SH3RF1: variants seen among roughly 807,000 people sequenced by gnomAD.
SH3RF1 encodes E3 ubiquitin-protein ligase SH3RF1.
Under a neutral mutation model 74.0 loss-of-function variants are expected in SH3RF1, and 32 were observed. The observed-to-expected ratio is 0.43, with a 90% CI of 0.33 to 0.58. SH3RF1 has a LOEUF of 0.58. Among genes scored for constraint, SH3RF1 ranks in the 20% least tolerant of loss-of-function variants. The pLI, the probability that SH3RF1 is intolerant of heterozygous loss-of-function variation, is 0.05. For synonymous variants in SH3RF1, 396 were observed against 439.6 expected (o/e 0.90, Z 1.24); for missense variants, 954 against 1,130.9 (o/e 0.84, Z 2.24).
chr4:169,130,376 C>T (rs1262841533), intron 5 of SH3RF1, among the ~76,000 whole-genome samples: 1 of 152,032 alleles, frequency 6.6e-6, no homozygotes, highest in Non-Finnish European at 1.5e-5. Context: ...GTGATAAATA[C>T]TGGTCACAAC....
At chr4:169,097,629 A>G (rs1488451969) in intron 11 of SH3RF1, among the ~76,000 whole-genome samples, 2 of 152,062 alleles carry the variant, frequency 1.3e-5, no homozygotes, top group African/African-American at 2.4e-5. Flanking sequence ...CATTATTTGC[A>G]TTACTCCTCT....
At chr4:169,157,875 G>C (rs1040376141) in intron 2 of SH3RF1, among the ~76,000 whole-genome samples, 1 of 151,854 alleles carries the variant, frequency 6.6e-6, no homozygotes, top group Non-Finnish European at 1.5e-5. Flanking sequence ...CAAGTAGCTG[G>C]GATTGCAGGC....
At chr4:169,215,636 T>G (rs1730450107) in intron 2 of SH3RF1, among the ~76,000 whole-genome samples, 1 of 152,198 alleles carries the variant, frequency 6.6e-6, no homozygotes, top group Admixed American at 6.5e-5. Flanking sequence ...CCTATACAGA[T>G]TGTCTCTTCA....
At chr4:169,182,121 A>G (rs1734522021) in intron 2 of SH3RF1, among the ~76,000 whole-genome samples, 1 of 152,236 alleles carries the variant, frequency 6.6e-6, no homozygotes, top group South Asian at 2.1e-4. Flanking sequence ...AATATTTGAA[A>G]TGGGGACTAT....
At chr4:169,268,069 T>TTA in intron 2 of SH3RF1, among the ~76,000 whole-genome samples, 1 of 151,842 alleles carries the variant, frequency 6.6e-6, no homozygotes, top group East Asian at 1.9e-4. Context: ...TACAGATTAT[T>TTA]TATATATATT....
chr4:169,195,828 T>G (rs1734799207), intron 2 of SH3RF1, among the ~76,000 whole-genome samples: 1 of 152,172 alleles, frequency 6.6e-6, no homozygotes, highest in African/African-American at 2.4e-5. Context: ...TTGAAAACAG[T>G]AAGCACAATT....
At chr4:169,159,554 G>C (rs922222223) in intron 2 of SH3RF1, among the ~76,000 whole-genome samples, 2 of 152,194 alleles carry the variant, frequency 1.3e-5, no homozygotes, top group African/African-American at 4.8e-5. Context: ...TTTGGGGCAG[G>C]TTAACTCGCT....
At chr4:169,236,411 T>C (rs1243118860) in intron 2 of SH3RF1, among the ~76,000 whole-genome samples, 5 of 152,230 alleles carry the variant, frequency 3.3e-5, no homozygotes, top group Admixed American at 6.5e-5. Flanking sequence ...CCACACAACG[T>C]ATACCTTGAG....
At chr4:169,173,157 T>C (rs1734360547) in intron 2 of SH3RF1, among the ~76,000 whole-genome samples, 1 of 152,180 alleles carries the variant, frequency 6.6e-6, no homozygotes, top group African/African-American at 2.4e-5. Flanking sequence ...AAGCCTTCTG[T>C]ATTTTTCTTC....
chr4:169,222,167 A>G (rs950272317), intron 2 of SH3RF1, among the ~76,000 whole-genome samples: 9 of 152,216 alleles, frequency 5.9e-5, no homozygotes, highest in African/African-American at 2.2e-4. Flanking sequence ...TATGCTCTTA[A>G]ATTATAAATC....
intron 10 of SH3RF1, among the ~76,000 whole-genome samples, chr4:169,111,250 G>A (rs961978432): frequency 6.8e-6 from 1 of 147,986 alleles, no homozygotes; most frequent in Non-Finnish European, 1.5e-5. Flanking sequence ...GCAGTGAGTC[G>A]AGATCACACC....
chr4:169,108,567 T>A (rs2126938871), intron 10 of SH3RF1, among the ~76,000 whole-genome samples: 1 of 152,306 alleles, frequency 6.6e-6, no homozygotes, highest in South Asian at 2.1e-4. Context: ...GTCATTTCTG[T>A]ACTTGCTTGA....
intron 11 of SH3RF1, among the ~76,000 whole-genome samples, chr4:169,105,383 T>C (rs1733116307): frequency 6.6e-6 from 1 of 152,236 alleles, no homozygotes; most frequent in African/African-American, 2.4e-5. Context: ...TGGTAGCTAT[T>C]TGTCTCATTA....
intron 4 of SH3RF1, among the ~76,000 whole-genome samples, chr4:169,145,128 T>C (rs1377343803): frequency 6.6e-6 from 1 of 152,174 alleles, no homozygotes; most frequent in Admixed American, 6.6e-5. Flanking sequence ...AAGAAACCTG[T>C]ACTTGTACGT....
chr4:169,168,437 T>G (rs1019680157), intron 2 of SH3RF1, among the ~76,000 whole-genome samples: 4 of 152,118 alleles, frequency 2.6e-5, no homozygotes, highest in Non-Finnish European at 1.5e-5. Flanking sequence ...TAGAGAGAGA[T>G]AAAGATGATA....
At chr4:169,195,966 A>G (rs534843569) in intron 2 of SH3RF1, among the ~76,000 whole-genome samples, 1 of 152,170 alleles carries the variant, frequency 6.6e-6, no homozygotes, top group East Asian at 1.9e-4. Flanking sequence ...GGTGTGCACC[A>G]TTATGACCAG....
chr4:169,139,945 GTTTCA>G (rs1251785370), intron 4 of SH3RF1, among the ~76,000 whole-genome samples: 26 of 152,200 alleles, frequency 1.7e-4, no homozygotes, highest in African/African-American at 6.3e-4. Context: ...AAATGGACAA[GTTTCA>G]TTTTTCTATT....
At chr4:169,160,931 T>C (rs1046958672) in intron 2 of SH3RF1, among the ~76,000 whole-genome samples, 1 of 152,230 alleles carries the variant, frequency 6.6e-6, no homozygotes, top group Non-Finnish European at 1.5e-5. Context: ...CTGGAGCCCA[T>C]GGAGGCACTG....
chr4:169,151,839 T>C (rs1400419831), intron 4 of SH3RF1, among the ~76,000 whole-genome samples: 1 of 152,230 alleles, frequency 6.6e-6, no homozygotes. Flanking sequence ...TAAAAATTTA[T>C]AGTTCACCGT....
Sources: allele counts gnomAD v4.1 joint callset (sites outside exome capture counted in the v4.1 genomes callset), GRCh38; gene constraint gnomAD v4.1.1; transcripts MANE v1.5; gene names NCBI Gene and HGNC (gene_info 2026-07-23, HGNC 2026-07-21).